ARHGEF12: variants seen among roughly 807,000 people sequenced by gnomAD.
The protein encoded by ARHGEF12 is Rho guanine nucleotide exchange factor 12.
Under a neutral mutation model 211.2 loss-of-function variants are expected in ARHGEF12, and 66 were observed. That is an observed-to-expected ratio of 0.31 (90% CI 0.26 to 0.38). The LOEUF is 0.38. ARHGEF12 is among the 10% of genes least tolerant of loss of function. The pLI, the probability that ARHGEF12 is intolerant of heterozygous loss-of-function variation, is 1.00. For missense variants in ARHGEF12, 1,429 were observed against 1,869.5 expected (o/e 0.76, Z 4.34); for synonymous variants, 592 against 638.4 (o/e 0.93, Z 1.09).
intron 1 of ARHGEF12, among the ~76,000 whole-genome samples, chr11:120,382,503 A>G (rs967442390): frequency 6.6e-5 from 10 of 152,210 alleles, no homozygotes; most frequent in African/African-American, 7.2e-5. Flanking sequence ...ACAGACATGT[A>G]TTTTTGTGAA....
At chr11:120,479,546 C>T (rs1316940224) in intron 37 of ARHGEF12, among the ~76,000 whole-genome samples, 1 of 152,094 alleles carries the variant, frequency 6.6e-6, no homozygotes, top group Non-Finnish European at 1.5e-5. Flanking sequence ...CTGGAAAAAG[C>T]AGAACTTTTT....
Position 120,442,169 on chromosome 11 carries a change from T to G in ARHGEF12, c.1269T>G (p.Leu423=). 1.2e-6 allele frequency: 2 copies of G among 1,610,840 alleles called. No homozygotes were observed. The highest frequency in any genetic ancestry group is 1.7e-6 in the Non-Finnish European group (2 of 1,179,368). The change falls in exon 15 of 41, where the codon CTT becomes CTG. Residue 423 remains leucine, a synonymous_variant. Transcript: ENST00000397843. Reference sequence around the variant, plus strand: ...CCAAAGAAACTCGTCGCATCTTCCTTGAGTTTCATCAGTTCTTTCTAGATC... The same window carrying G: ...CCAAAGAAACTCGTCGCATCTTCCTGGAGTTTCATCAGTTCTTTCTAGATC... ...TNSKETRRIF[L]EFHQFFLDRS...
At chr11:120,420,506 T>C (rs1945152988) in intron 4 of ARHGEF12, among the ~76,000 whole-genome samples, 1 of 152,226 alleles carries the variant, frequency 6.6e-6, no homozygotes, top group Non-Finnish European at 1.5e-5. Context: ...CAGTTTGCCA[T>C]AGCTGTTTTT....
chr11:120,485,523 A>G lies in ARHGEF12; in HGVS notation c.*446A>G, dbSNP rs1947374851. ...TTAGACCTTTGTCTTTAGTACACCCAAGGATCAACTGCTCCTGAAGCAAAG... is the reference window on the plus strand; with the variant it reads ...TTAGACCTTTGTCTTTAGTACACCCGAGGATCAACTGCTCCTGAAGCAAAG... On this transcript the variant is annotated 3_prime_UTR_variant, in exon 41 of 41. Coordinates refer to ENST00000397843, the MANE Select transcript of ARHGEF12 (RefSeq NM_015313.3). 4.2e-6 allele frequency: 1 copy of G among 240,068 alleles called. No individual in the cohort carries two copies. The highest frequency in any genetic ancestry group is 1.6e-4 in the South Asian group (1 of 6,096). The allele number at this position is 240,068 out of a possible 1,614,324, so 14.9% of individuals were successfully genotyped here. A position where few individuals can be genotyped will look rare whatever the true frequency, so the allele number is the denominator to read the frequency against.
chr11:120,477,565 A>G (rs752564906), intron 36 of ARHGEF12, 39 bp downstream of exon 36: 2 of 1,574,558 alleles, frequency 1.3e-6, no homozygotes, highest in Non-Finnish European at 1.7e-6. Context: ...AATGTGCTCT[A>G]TTATCTGTTA....
At chr11:120,338,925 T>C (rs544818155) in intron 1 of ARHGEF12, among the ~76,000 whole-genome samples, 22 of 152,300 alleles carry the variant, frequency 1.4e-4, no homozygotes, top group African/African-American at 5.3e-4. Flanking sequence ...ATCTTGGAAT[T>C]TGTATCCTCT....
rs189574373 is a variant in ARHGEF12, at chr11:120,411,356, T to C, written c.199+1906T>C. On this transcript the variant is annotated intron_variant, in intron 4 of 40. Transcript: ENST00000397843. ...TGTGAATAGACGTCTTTAGATTACG[T>C]ACAGTTAGCATAGATGAAAAAGTCT... is the stretch of plus-strand genomic sequence containing the variant. The C allele has an allele frequency of 1.7e-4, 26 of 152,248 alleles. No individual in the cohort carries two copies. The East Asian group carries it at 4.8e-3, about 28-fold the overall frequency. The allele number at this position is 152,248 out of a possible 1,614,324, so 9.4% of individuals were successfully genotyped here. A position where few individuals can be genotyped will look rare whatever the true frequency, so the allele number is the denominator to read the frequency against.
intron 1 of ARHGEF12, among the ~76,000 whole-genome samples, chr11:120,384,497 A>G (rs541199970): frequency 6.6e-6 from 1 of 152,354 alleles, no homozygotes; most frequent in South Asian, 2.1e-4. Context: ...GAGTCTTCTT[A>G]GTATAGCAAT....
At chr11:120,441,973 G>T in intron 14 of ARHGEF12, 131 bp from the exon 15 acceptor site, 2 of 862,704 alleles carry the variant, frequency 2.3e-6, no homozygotes, top group South Asian at 1.7e-5. Context: ...TTAAAGACTT[G>T]GTTATATAGT....
chr11:120,448,360 A>G lies in ARHGEF12; in HGVS notation c.1737+12A>G. ...TTCCCAAAATCAAGGTAAGAATGAA[A>G]TAATGTAATAGCATGTTCAGGCCTT... is the stretch of plus-strand genomic sequence containing the variant. On this transcript the variant is annotated intron_variant, in intron 20 of 40. Coordinates refer to ENST00000397843, the MANE Select transcript of ARHGEF12 (RefSeq NM_015313.3). 1.9e-6 allele frequency: 3 copies of G among 1,600,610 alleles called. No homozygotes were observed. The highest frequency in any genetic ancestry group is 2.6e-6 in the Non-Finnish European group (3 of 1,168,030).
At position 120,465,324 on chromosome 11, in the gene ARHGEF12, C is replaced by T. The variant is rs1365120600; in HGVS notation, c.2701C>T (p.Arg901Cys). 3 of 1,613,990 alleles carry T rather than the reference C, an allele frequency of 1.9e-6. No homozygotes were observed. The highest frequency in any genetic ancestry group is 1.7e-6 in the Non-Finnish European group (2 of 1,179,992). Residue 901 changes from arginine to cysteine, a missense_variant, in exon 28 of 41, where the codon CGT (arginine) becomes TGT (cysteine). Physicochemically the swap from Arg to Cys is radical, Grantham distance 180. Around this residue, in one of 7 missense-constraint regions of ARHGEF12, gnomAD observed 223 missense variants for 444.6 expected, o/e 0.50. Coordinates refer to ENST00000397843, the MANE Select transcript of ARHGEF12 (RefSeq NM_015313.3). ...QPFALEMIKS[R>C]QKKDSRFQTF... ...TTTCGCCCTGGAAATGATCAAATCT[C>T]GTCAGAAAAAGGATTCTCGATTTCA...
chr11:120,452,089 T>C (rs1487792458), intron 22 of ARHGEF12, among the ~76,000 whole-genome samples: 1 of 152,202 alleles, frequency 6.6e-6, no homozygotes, highest in African/African-American at 2.4e-5. Context: ...TTGAGGGAAC[T>C]GGTCAGTAGT....
chr11:120,372,078 G>A (rs1167977854), intron 1 of ARHGEF12, among the ~76,000 whole-genome samples: 1 of 152,186 alleles, frequency 6.6e-6, no homozygotes, highest in African/African-American at 2.4e-5. Flanking sequence ...GAGCAGTGAT[G>A]CTTTCAACAT....
intron 9 of ARHGEF12, 28 bp downstream of exon 9, chr11:120,429,545 C>G (rs756623459): frequency 1.9e-6 from 3 of 1,607,242 alleles, no homozygotes; most frequent in East Asian, 2.2e-5. Context: ...GGGCTGTTTA[C>G]AGGCCAATAA....
In ARHGEF12 at chr11:120,467,354, G is replaced by A. The variant is rs200192006; in HGVS notation, c.2854+46G>A. On this transcript the variant is annotated intron_variant, in intron 29 of 40. Coordinates refer to ENST00000397843, the MANE Select transcript of ARHGEF12 (RefSeq NM_015313.3). The stretch of plus-strand genomic sequence containing the variant: ...TAAAAAGCTTAAGAACAACAACAAC[G>A]AAACACCCAATATCCTGTAAATAAT... 1.1e-3 allele frequency: 1,259 copies of A among 1,136,508 alleles called. 2 individuals are homozygous for A. The highest frequency in any genetic ancestry group is 1.3e-3 in the Non-Finnish European group (993 of 762,350). 70.4% of individuals were successfully genotyped at this position (1,136,508 alleles called of 1,614,324 possible). A position where few individuals can be genotyped will look rare whatever the true frequency, so the allele number is the denominator to read the frequency against.
chr11:120,424,489 T>G, intron 7 of ARHGEF12, 74 bp downstream of exon 7: 1 of 1,206,722 alleles, frequency 8.3e-7, no homozygotes, highest in Non-Finnish European at 1.2e-6. Context: ...TTTCCTGTAA[T>G]AGGCCAAATA....
chr11:120,409,044 A>G (rs1312865648), intron 3 of ARHGEF12: 1 of 204,754 alleles, frequency 4.9e-6, no homozygotes, highest in Non-Finnish European at 9.8e-6. Context: ...GCCCATCTCC[A>G]AAGACAGATT....
At chr11:120,411,756 TTTTG>T (rs533902660) in intron 4 of ARHGEF12, 14 of 150,684 alleles carry the variant, frequency 9.3e-5, no homozygotes, top group East Asian at 3.9e-4. Context: ...CACCCAGCTG[TTTTG>T]TTTGTTTGTT....
At chr11:120,429,022 T>C (rs1945443253) in intron 8 of ARHGEF12, among the ~76,000 whole-genome samples, 2 of 152,154 alleles carry the variant, frequency 1.3e-5, no homozygotes, top group African/African-American at 2.4e-5. Flanking sequence ...TGGTAAAATA[T>C]TATAGGGTTG....
Sources: allele counts gnomAD v4.1 joint callset (sites outside exome capture counted in the v4.1 genomes callset), GRCh38; gene constraint gnomAD v4.1.1; regional missense constraint gnomAD v4.1.1; transcripts MANE v1.5; gene names NCBI Gene and HGNC (gene_info 2026-07-23, HGNC 2026-07-21).